P2RX1: variants seen among roughly 807,000 people sequenced by gnomAD.
P2RX1 encodes purinergic receptor P2X 1.
Under a neutral mutation model 50.3 loss-of-function variants are expected in P2RX1, and 42 were observed. That is an observed-to-expected ratio of 0.83 (90% CI 0.65 to 1.08). P2RX1 has a LOEUF of 1.08. Ranked by LOEUF, P2RX1 falls within the 50% of genes least tolerant of loss-of-function variation. P2RX1 has a pLI of 0.00. For missense variants in P2RX1, 449 were observed against 529.0 expected, an observed-to-expected ratio of 0.85 and a Z score of 1.48; for synonymous variants, 199 against 202.6, an observed-to-expected ratio of 0.98 and a Z score of 0.15.
intron 8 of P2RX1, 75 bp downstream of exon 8, chr17:3,899,559 A>T: frequency 6.3e-7 from 1 of 1,590,880 alleles, no homozygotes; most frequent in Admixed American, 1.7e-5. Context: ...ACTTTCTCAG[A>T]CCTGAAGTGT....
At position 3,903,987 on chromosome 17, in the gene P2RX1, A is replaced by G. The variant is rs763878736; in HGVS notation, c.465T>C (p.Thr155=). The change falls in exon 5 of 12, where the codon ACT becomes ACC. Residue 155 remains threonine, a synonymous_variant. Transcript: ENST00000225538. This position sits in a 1 kb window ranked among gnomAD's most constrained non-coding sequence, Gnocchi z 4.6. The part of the protein sequence containing the change: ...RTGKCVAFND[T]VKTCEIFGWC... Reference sequence around the variant, plus strand: ...AGCCAAAGATCTCACACGTCTTCACAGTGTCGTTGAAGGCCACACACTTGC... The same window carrying G: ...AGCCAAAGATCTCACACGTCTTCACGGTGTCGTTGAAGGCCACACACTTGC... 1.2e-6 allele frequency: 2 copies of G among 1,614,106 alleles called. No individual in the cohort carries two copies. Among genetic ancestry groups the G allele is most frequent in the Non-Finnish European group, 1.7e-6 (2 of 1,179,990 alleles).
At chr17:3,904,471 C>G (rs1043092750) in intron 3 of P2RX1, 72 bp from the exon 4 acceptor site, 3 of 1,353,616 alleles carry the variant, frequency 2.2e-6, no homozygotes, top group Non-Finnish European at 3.1e-6. Context: ...CTCCCCACCC[C>G]CCAGGGCCCT....
At position 3,905,130 on chromosome 17, in the gene P2RX1, TG is replaced by T. The variant is rs1479054267; in HGVS notation, c.285+89del. ...CAGAGGTCCAGAGAGAAAGAGGAGC[TG>T]GGCTGGTCCCACAGGGACGTGGGAC... On this transcript the variant is annotated intron_variant, in intron 2 of 11. Transcript: ENST00000225538. 3.3e-6 allele frequency: 5 copies of T among 1,528,750 alleles called. No individual in the cohort carries two copies. The African/African-American group carries it at 6.8e-5, about 21-fold the overall frequency. 94.7% of individuals were successfully genotyped at this position (1,528,750 alleles called of 1,614,324 possible).
At position 3,903,476 on chromosome 17, in the gene P2RX1, G is replaced by T; in HGVS notation, c.605+75C>A. On this transcript the variant is annotated intron_variant, in intron 6 of 11. Transcript: ENST00000225538. This position sits in a 1 kb window ranked among gnomAD's most constrained non-coding sequence, Gnocchi z 4.6. ...CCTTCCACGCCAGCAGGAATGGAGG[G>T]AGACAGAGACAGCTGAGAGCTGCCG... The T allele has an allele frequency of 6.3e-7, 1 of 1,591,282 alleles. No individual in the cohort carries two copies. Among genetic ancestry groups the T allele is most frequent in the South Asian group, 1.1e-5 (1 of 90,370 alleles).
intron 1 of P2RX1, among the ~76,000 whole-genome samples, chr17:3,908,756 C>T (rs1312504712): frequency 6.6e-6 from 1 of 152,182 alleles, no homozygotes; most frequent in African/African-American, 2.4e-5. Flanking sequence ...CATCAGCAAT[C>T]CCCCATCCTG....
rs1274909723 is a variant in P2RX1, at chr17:3,916,253, GC to G, written c.-29del. The G allele has an allele frequency of 6.2e-7, 1 of 1,610,850 alleles. No individual in the cohort carries two copies. The highest frequency in any genetic ancestry group is 2.2e-5 in the East Asian group (1 of 44,840). On this transcript the variant is annotated 5_prime_UTR_variant, in exon 1 of 12. Coordinates refer to ENST00000225538, the MANE Select transcript of P2RX1 (RefSeq NM_002558.4). ...TGGGCCGGCTGGGGCTCAGAACTGA[GC>G]CCCCTGCACGGCCTCTGCTCTCAGG...
chr17:3,898,632 TC>T, intron 9 of P2RX1, 83 bp from the exon 10 acceptor site: 1 of 1,043,090 alleles, frequency 9.6e-7, no homozygotes, highest in Non-Finnish European at 1.5e-6. Flanking sequence ...CAAGGGGACT[TC>T]CCCACCCTCG....
intron 8 of P2RX1, 85 bp downstream of exon 8, chr17:3,899,549 A>G (rs576669027): frequency 1.4e-5 from 22 of 1,572,900 alleles, no homozygotes; most frequent in Non-Finnish European, 1.9e-5. Flanking sequence ...CTCTGGGGAC[A>G]CTTTCTCAGA....
chr17:3,910,631 A>G (rs2056346603), intron 1 of P2RX1, among the ~76,000 whole-genome samples: 1 of 152,234 alleles, frequency 6.6e-6, no homozygotes, highest in East Asian at 1.9e-4. Flanking sequence ...GGTGGGACAC[A>G]GGGTATGGCC....
chr17:3,910,369 C>G (rs1488469348), intron 1 of P2RX1, among the ~76,000 whole-genome samples: 1 of 152,168 alleles, frequency 6.6e-6, no homozygotes, highest in Non-Finnish European at 1.5e-5. Context: ...GAACTTGTTC[C>G]CCTGTGTCCT....
At chr17:3,910,564 G>A (rs1293254997) in intron 1 of P2RX1, among the ~76,000 whole-genome samples, 3 of 152,266 alleles carry the variant, frequency 2.0e-5, no homozygotes, top group Non-Finnish European at 4.4e-5. Context: ...CACTGGAGGA[G>A]CTGGGACAGG....
intron 1 of P2RX1, among the ~76,000 whole-genome samples, chr17:3,907,148 A>T (rs1441084940): frequency 6.6e-6 from 1 of 152,212 alleles, no homozygotes; most frequent in Non-Finnish European, 1.5e-5. Flanking sequence ...TCAGTTACGT[A>T]AACCAATAAA....
chr17:3,914,393 T>C lies in P2RX1; in HGVS notation c.137+1696A>G, dbSNP rs999448527. 6.6e-6 allele frequency among the ~76,000 whole-genome samples: 1 copy of C among 152,052 alleles called. No homozygotes were observed. Among genetic ancestry groups the C allele is most frequent in the Non-Finnish European group, 1.5e-5 (1 of 68,008 alleles). On this transcript the variant is annotated intron_variant, in intron 1 of 11. Coordinates refer to ENST00000225538, the MANE Select transcript of P2RX1 (RefSeq NM_002558.4). The surrounding 1 kb of genome is among the most constrained non-coding windows in gnomAD (Gnocchi z 4.1). The stretch of plus-strand genomic sequence containing the variant: ...GTCACTGGAGGTATAGGTTCCCGGC[T>C]GGGCAGCAGCTTGGGGCATAGGCTA...
chr17:3,908,299 G>A (rs2056303789), intron 1 of P2RX1, among the ~76,000 whole-genome samples: 1 of 152,192 alleles, frequency 6.6e-6, no homozygotes, highest in Admixed American at 6.5e-5. Context: ...GGTGGCTCAT[G>A]CCTGTAATCT....
At chr17:3,899,135 A>G in intron 8 of P2RX1, 111 bp from the exon 9 acceptor site, 2 of 777,368 alleles carry the variant, frequency 2.6e-6, no homozygotes, top group South Asian at 1.4e-5. Flanking sequence ...GTACAGCCTC[A>G]TCCCCAACAC....
intron 2 of P2RX1, 36 bp from the exon 3 acceptor site, chr17:3,904,965 T>TG: frequency 2.0e-6 from 1 of 509,738 alleles, no homozygotes; most frequent in Non-Finnish European, 3.9e-6. Flanking sequence ...TGGGGTGGGC[T>TG]GGGAGCTGGG....
chr17:3,905,457 T>A, intron 1 of P2RX1, 90 bp from the exon 2 acceptor site: 1 of 1,445,810 alleles, frequency 6.9e-7, no homozygotes, highest in Non-Finnish European at 9.6e-7. Context: ...GATGTGCCTC[T>A]GAGCCACCAT....
At position 3,904,964 on chromosome 17, in the gene P2RX1, C is replaced by T; in HGVS notation, c.286-35G>A. On this transcript the variant is annotated intron_variant, in intron 2 of 11. Transcript: ENST00000225538. ...AGGGGCAGGGGGAGGGTGGGGTGGG[C>T]TGGGAGCTGGGAGAAGAGCCCCAAG... 5 of 897,168 alleles carry T rather than the reference C, an allele frequency of 5.6e-6. No individual in the cohort carries two copies. In the Admixed American group the frequency reaches 6.1e-5, roughly 11 times the overall value. The allele number at this position is 897,168 out of a possible 1,614,324, so 55.6% of individuals were successfully genotyped here. A position where few individuals can be genotyped will look rare whatever the true frequency, so the allele number is the denominator to read the frequency against.
At chr17:3,909,434 T>C (rs1355446161) in intron 1 of P2RX1, among the ~76,000 whole-genome samples, 3 of 152,196 alleles carry the variant, frequency 2.0e-5, no homozygotes, top group Admixed American at 1.3e-4. Flanking sequence ...CACAAATTCC[T>C]CTTTCAATGT....
Sources: gnomAD v4.1 joint callset for allele counts (sites outside exome capture counted in the v4.1 genomes callset) on GRCh38, gnomAD v4.1.1 for gene constraint, Gnocchi (gnomAD v3.1) non-coding constraint, MANE v1.5 for transcripts, NCBI Gene and HGNC (gene_info 2026-07-23, HGNC 2026-07-21) for gene names.